Variants in TTC28 observed in about 807,000 individuals in gnomAD.
The protein encoded by TTC28 is tetratricopeptide repeat protein 28.
In TTC28, 61 loss-of-function variants were observed where a neutral mutation model predicts 198.0. That is an observed-to-expected ratio of 0.31 (90% CI 0.25 to 0.38). The LOEUF (loss-of-function observed/expected upper bound fraction) is 0.38, where lower values mean the gene tolerates loss of function less well. Ranked by LOEUF, TTC28 falls within the 10% of genes least tolerant of loss-of-function variation. The pLI is 1.00. For missense variants in TTC28, 2,678 were observed against 3,164.0 expected, an observed-to-expected ratio of 0.85 and a Z score of 3.69; for synonymous variants, 1,171 against 1,297.8, an observed-to-expected ratio of 0.90 and a Z score of 2.10.
At chr22:28,164,156 C>G (rs1180146383) in intron 5 of TTC28, among the ~76,000 whole-genome samples, 1 of 152,202 alleles carries the variant, frequency 6.6e-6, no homozygotes, top group Non-Finnish European at 1.5e-5. Flanking sequence ...GAAGCTCGAA[C>G]TGGCTGGAGC....
chr22:28,298,580 C>T (rs1437396076), intron 3 of TTC28, among the ~76,000 whole-genome samples: 1 of 152,066 alleles, frequency 6.6e-6, no homozygotes, highest in Non-Finnish European at 1.5e-5. Flanking sequence ...TCCCAAGTAG[C>T]TAGGACCACA....
intron 5 of TTC28, among the ~76,000 whole-genome samples, chr22:28,282,412 T>C (rs970255552): frequency 2.6e-5 from 4 of 152,336 alleles, no homozygotes; most frequent in South Asian, 2.1e-4. Context: ...CACTATCCAA[T>C]AGAATTTTCT....
chr22:28,450,226 C>A (rs943835578), intron 2 of TTC28, among the ~76,000 whole-genome samples: 4 of 151,968 alleles, frequency 2.6e-5, no homozygotes, highest in African/African-American at 9.7e-5. Flanking sequence ...AAGTCTGGAG[C>A]AAGAAGAATT....
At chr22:28,013,609 C>T (rs150519008) in intron 14 of TTC28, among the ~76,000 whole-genome samples, 17 of 152,296 alleles carry the variant, frequency 1.1e-4, no homozygotes, top group African/African-American at 3.8e-4. Context: ...TCCATCTCAC[C>T]AGAAAGCATA....
intron 5 of TTC28, among the ~76,000 whole-genome samples, chr22:28,235,044 A>C (rs2147238804): frequency 6.6e-6 from 1 of 152,312 alleles, no homozygotes; most frequent in East Asian, 1.9e-4. Flanking sequence ...AAAGACTGAG[A>C]TGTTTAATCT....
intron 6 of TTC28, among the ~76,000 whole-genome samples, chr22:28,159,109 G>A (rs1179299706): frequency 1.3e-5 from 2 of 152,128 alleles, no homozygotes; most frequent in African/African-American, 4.8e-5. Flanking sequence ...CAAAAGATTT[G>A]AATAGACATT....
intron 2 of TTC28, among the ~76,000 whole-genome samples, chr22:28,308,184 C>T (rs996295520): frequency 7.9e-5 from 12 of 152,158 alleles, no homozygotes; most frequent in African/African-American, 2.7e-4. Context: ...CATAGGATCA[C>T]TTCCCTTCAC....
At chr22:28,657,113 G>A (rs899929864) in intron 1 of TTC28, among the ~76,000 whole-genome samples, 18 of 152,104 alleles carry the variant, frequency 1.2e-4, no homozygotes, top group Admixed American at 1.1e-3. Flanking sequence ...CACTTTATAC[G>A]TGGGACAATA....
chr22:28,227,321 T>C (rs10212083), intron 5 of TTC28, among the ~76,000 whole-genome samples: 12,581 of 152,212 alleles, frequency 0.083, 631 homozygotes, highest in Non-Finnish European at 0.097. Flanking sequence ...CTTCGTGACA[T>C]TGGATTCTGC....
chr22:28,274,134 T>G (rs566715182), intron 5 of TTC28, among the ~76,000 whole-genome samples: 1 of 152,328 alleles, frequency 6.6e-6, no homozygotes, highest in African/African-American at 2.4e-5. Flanking sequence ...AGAATAATGG[T>G]TATCCTTTGA....
chr22:28,679,153 C>T (rs542845434), intron 1 of TTC28, among the ~76,000 whole-genome samples: 22 of 152,342 alleles, frequency 1.4e-4, no homozygotes, highest in African/African-American at 5.1e-4. Context: ...CACCGACAGA[C>T]TTGCTCGCCT....
chr22:28,323,242 A>C (rs896234085), intron 2 of TTC28, among the ~76,000 whole-genome samples: 1 of 152,192 alleles, frequency 6.6e-6, no homozygotes, highest in African/African-American at 2.4e-5. Flanking sequence ...ACCATCCAGG[A>C]AAGTATGACC....
intron 21 of TTC28, 142 bp from the exon 22 acceptor site, chr22:27,985,498 T>C: frequency 3.1e-6 from 2 of 641,744 alleles, no homozygotes; most frequent in South Asian, 1.8e-5. Context: ...GGCTTCCCCA[T>C]GTCTGCACAG....
intron 16 of TTC28, chr22:27,997,676 G>C (rs777828660): frequency 2.0e-5 from 3 of 152,204 alleles, no homozygotes. Flanking sequence ...CTAGATTTTT[G>C]TAACACCCTG....
intron 12 of TTC28, among the ~76,000 whole-genome samples, chr22:28,049,203 G>A (rs975012710): frequency 2.0e-5 from 3 of 152,090 alleles, no homozygotes; most frequent in African/African-American, 4.8e-5. Context: ...TGACCTCATC[G>A]CCTGCACCTG....
chr22:28,098,419 A>G (rs1942036405), intron 10 of TTC28, among the ~76,000 whole-genome samples: 1 of 152,020 alleles, frequency 6.6e-6, no homozygotes, highest in Non-Finnish European at 1.5e-5. Flanking sequence ...CAGACAAGAG[A>G]CTTTGTTTCA....
intron 1 of TTC28, among the ~76,000 whole-genome samples, chr22:28,664,800 C>T (rs1011240531): frequency 3.6e-5 from 1 of 27,908 alleles, no homozygotes; most frequent in Non-Finnish European, 6.4e-5. Flanking sequence ...CAGAGAACAC[C>T]ACAAAGATAC....
chr22:28,469,136 G>A (rs910101001), intron 2 of TTC28, among the ~76,000 whole-genome samples: 66 of 152,096 alleles, frequency 4.3e-4, no homozygotes, highest in African/African-American at 1.5e-3. Context: ...ACTTAACCAG[G>A]GTTGGACACT....
At chr22:28,139,018 G>A (rs528087562) in intron 6 of TTC28, among the ~76,000 whole-genome samples, 13 of 151,718 alleles carry the variant, frequency 8.6e-5, no homozygotes, top group Non-Finnish European at 1.2e-4. Flanking sequence ...ATTGTATCTT[G>A]ATTTCTGAGG....
Sources: allele counts gnomAD v4.1 joint callset (sites outside exome capture counted in the v4.1 genomes callset), GRCh38; gene constraint gnomAD v4.1.1; transcripts MANE v1.5; gene names NCBI Gene and HGNC (gene_info 2026-07-23, HGNC 2026-07-21).